Variants in NWD2 observed in about 807,000 individuals in gnomAD.
The protein encoded by NWD2 is NACHT and WD repeat domain containing 2, also known as NACHT and WD repeat domain-containing protein 2.
In NWD2, 37 loss-of-function variants were observed where a neutral mutation model predicts 132.7. The ratio of observed to expected loss-of-function variants is 0.28; its 90% CI spans 0.21 to 0.37. The LOEUF is 0.37. Ranked by LOEUF, NWD2 falls within the 10% of genes least tolerant of loss-of-function variation. NWD2 has a pLI of 1.00. For missense variants in NWD2, 1,592 were observed against 2,122.4 expected, an observed-to-expected ratio of 0.75 and a Z score of 4.91; for synonymous variants, 705 against 803.0, an observed-to-expected ratio of 0.88 and a Z score of 2.06.
chr4:37,311,746 GT>G (rs2109281198), intron 1 of NWD2, among the ~76,000 whole-genome samples: 1 of 148,878 alleles, frequency 6.7e-6, no homozygotes, highest in African/African-American at 2.6e-5. Flanking sequence ...TTCTTCTAGG[GT>G]TTTTATGGTT....
At chr4:37,260,142 G>A (rs999459777) in intron 1 of NWD2, among the ~76,000 whole-genome samples, 5 of 152,166 alleles carry the variant, frequency 3.3e-5, no homozygotes, top group African/African-American at 9.7e-5. Flanking sequence ...ACTAGAGAGC[G>A]TTCTTGTTTT....
rs572119189 is a variant in NWD2, at chr4:37,338,871, A to G, written c.240+12847A>G. Among the ~76,000 whole-genome samples, 10 of 152,302 alleles carry G rather than the reference A, an allele frequency of 6.6e-5. No homozygotes were observed. In the South Asian group the frequency reaches 1.0e-3, roughly 16 times the overall value. ...TTCCTGCCTGAGAATCTCAAAATGCATCTTGCTCCACAAGTTACCAAAATA... is the reference window on the plus strand; with the variant it reads ...TTCCTGCCTGAGAATCTCAAAATGCGTCTTGCTCCACAAGTTACCAAAATA... On this transcript the variant is annotated intron_variant, in intron 2 of 6. Transcript: ENST00000309447.
chr4:37,316,652 G>C (rs1357457438), intron 1 of NWD2, among the ~76,000 whole-genome samples: 1 of 151,886 alleles, frequency 6.6e-6, no homozygotes, highest in African/African-American at 2.4e-5. Flanking sequence ...TTGGGGCTTG[G>C]TTCATTTTCC....
At position 37,386,905 on chromosome 4, in the gene NWD2, G is replaced by A. The variant is rs934323321; in HGVS notation, c.357+30423G>A. ...CGTGTGTCATGTCTGTTTCCTCTTC[G>A]TCTTTTGCTAGAATTGAAAGCTCCC... On this transcript the variant is annotated intron_variant, in intron 3 of 6. Coordinates refer to ENST00000309447, the MANE Select transcript of NWD2 (RefSeq NM_001144990.2). Among the ~76,000 whole-genome samples, 16 of 152,120 alleles carry A rather than the reference G, an allele frequency of 1.1e-4. 1 individual carries two copies. The South Asian group carries it at 2.1e-3, about 20-fold the overall frequency.
chr4:37,383,468 G>T (rs1242120217), intron 3 of NWD2, among the ~76,000 whole-genome samples: 1 of 152,150 alleles, frequency 6.6e-6, no homozygotes, highest in South Asian at 2.1e-4. Context: ...GATTAGCAGA[G>T]AACCTAAACC....
intron 3 of NWD2, among the ~76,000 whole-genome samples, chr4:37,365,774 T>A (rs1720088978): frequency 6.6e-6 from 1 of 152,242 alleles, no homozygotes; most frequent in Non-Finnish European, 1.5e-5. Context: ...CAGTAAACTT[T>A]TACTAACATA....
chr4:37,280,629 C>A (rs979593026), intron 1 of NWD2, among the ~76,000 whole-genome samples: 2 of 152,048 alleles, frequency 1.3e-5, no homozygotes, highest in African/African-American at 4.8e-5. Context: ...AAGGTTCCTG[C>A]AGGAAGCAGA....
chr4:37,392,740 G>C (rs1720702612), intron 3 of NWD2, among the ~76,000 whole-genome samples: 1 of 152,178 alleles, frequency 6.6e-6, no homozygotes, highest in South Asian at 2.1e-4. Context: ...CTCCTACAGA[G>C]CTCTGCACAC....
intron 1 of NWD2, among the ~76,000 whole-genome samples, chr4:37,277,775 T>C (rs1718052038): frequency 1.3e-5 from 2 of 152,284 alleles, no homozygotes; most frequent in South Asian, 4.1e-4. Flanking sequence ...TTTCTTTGCA[T>C]ATCTCACAAT....
intron 1 of NWD2, among the ~76,000 whole-genome samples, chr4:37,310,203 A>C (rs993288703): frequency 4.6e-5 from 7 of 152,128 alleles, no homozygotes; most frequent in Admixed American, 6.5e-5. Context: ...CAGATCTCTT[A>C]TTTTCCAAGA....
intron 5 of NWD2, among the ~76,000 whole-genome samples, chr4:37,434,461 A>G (rs1169892213): frequency 2.6e-5 from 4 of 152,202 alleles, no homozygotes; most frequent in South Asian, 2.1e-4. Flanking sequence ...TAAAATATAT[A>G]TTCATAAATG....
intron 1 of NWD2, among the ~76,000 whole-genome samples, chr4:37,285,971 G>T (rs1027288143): frequency 6.6e-6 from 1 of 152,198 alleles, no homozygotes; most frequent in African/African-American, 2.4e-5. Context: ...CTTGGTGTTA[G>T]AATCATGACA....
At chr4:37,383,195 C>G (rs1009216376) in intron 3 of NWD2, among the ~76,000 whole-genome samples, 2 of 152,118 alleles carry the variant, frequency 1.3e-5, no homozygotes, top group East Asian at 3.9e-4. Flanking sequence ...ACAATTTAAC[C>G]TTAACTTGGT....
chr4:37,292,395 G>A (rs959672123), intron 1 of NWD2, among the ~76,000 whole-genome samples: 2 of 152,158 alleles, frequency 1.3e-5, no homozygotes, highest in African/African-American at 4.8e-5. Flanking sequence ...CTTCATGTGA[G>A]GACGCAGCAG....
chr4:37,278,307 T>C (rs1718065611), intron 1 of NWD2, among the ~76,000 whole-genome samples: 1 of 152,164 alleles, frequency 6.6e-6, no homozygotes, highest in African/African-American at 2.4e-5. Flanking sequence ...ACTACAACCT[T>C]GGGTGAGAAG....
In NWD2 at chr4:37,332,903, C is replaced by A. The variant is rs1444170806; in HGVS notation, c.240+6879C>A. Among the ~76,000 whole-genome samples the A allele has an allele frequency of 2.0e-5, 3 of 152,294 alleles. No individual in the cohort carries two copies. In the East Asian group the frequency reaches 5.8e-4, roughly 29 times the overall value. On this transcript the variant is annotated intron_variant, in intron 2 of 6. Transcript: ENST00000309447. ...CAGACCTGGCAGCATTCACTACAAG[C>A]TGACCGAGGAGCCCTTGGACCTCAA...
intron 1 of NWD2, among the ~76,000 whole-genome samples, chr4:37,247,736 A>T (rs1474490608): frequency 6.6e-6 from 1 of 151,834 alleles, no homozygotes; most frequent in African/African-American, 2.4e-5. Flanking sequence ...CAGCCTCCAG[A>T]GTAGCTGGGA....
intron 1 of NWD2, among the ~76,000 whole-genome samples, chr4:37,280,151 A>T (rs746351398): frequency 2.0e-5 from 3 of 152,346 alleles, no homozygotes; most frequent in Non-Finnish European, 4.4e-5. Context: ...GCGAATTGAT[A>T]TAAGTAAGAG....
chr4:37,352,711 T>G (rs1719795395), intron 2 of NWD2, among the ~76,000 whole-genome samples: 1 of 152,344 alleles, frequency 6.6e-6, no homozygotes, highest in South Asian at 2.1e-4. Context: ...GCTTGGTAAA[T>G]ATTCCTCCAT....
Sources: allele counts gnomAD v4.1 joint callset (sites outside exome capture counted in the v4.1 genomes callset), GRCh38; gene constraint gnomAD v4.1.1; transcripts MANE v1.5; gene names NCBI Gene and HGNC (gene_info 2026-07-23, HGNC 2026-07-21).